The following LRFN5 variants were observed in gnomAD, a reference collection of about 807,000 sequenced individuals.
LRFN5 encodes the protein leucine rich repeat and fibronectin type III domain containing 5, also known as leucine-rich repeat and fibronectin type-III domain-containing protein 5.
In LRFN5, 24 loss-of-function variants were observed where a neutral mutation model predicts 45.6. That is an observed-to-expected ratio of 0.53 (90% CI 0.38 to 0.74). The LOEUF (loss-of-function observed/expected upper bound fraction) is 0.74, where lower values mean the gene tolerates loss of function less well. Among genes scored for constraint, LRFN5 ranks in the 30% least tolerant of loss-of-function variants. LRFN5 has a pLI of 0.00. For missense variants in LRFN5, 776 were observed against 861.5 expected, an observed-to-expected ratio of 0.90 and a Z score of 1.24; for synonymous variants, 340 against 313.8, an observed-to-expected ratio of 1.08 and a Z score of -0.88.
intron 1 of LRFN5, among the ~76,000 whole-genome samples, chr14:41,714,144 T>G (rs1883392680): frequency 6.6e-6 from 1 of 151,996 alleles, no homozygotes; most frequent in Admixed American, 6.6e-5. Context: ...AAAAAAGAAA[T>G]GGAAAACATA....
chr14:41,693,690 T>C (rs114020017), intron 1 of LRFN5, among the ~76,000 whole-genome samples: 1,757 of 152,206 alleles, frequency 0.012, 15 homozygotes, highest in Middle Eastern at 0.041. Flanking sequence ...CATAAAGGAT[T>C]TTTTGAATGC....
At chr14:41,875,950 G>C (rs1448026033) in intron 2 of LRFN5, among the ~76,000 whole-genome samples, 1 of 152,046 alleles carries the variant, frequency 6.6e-6, no homozygotes, top group Non-Finnish European at 1.5e-5. Flanking sequence ...CTCACAAATT[G>C]CTCATGAGGA....
chr14:41,848,643 A>G (rs1386342984), intron 2 of LRFN5, among the ~76,000 whole-genome samples: 1 of 152,088 alleles, frequency 6.6e-6, no homozygotes, highest in Non-Finnish European at 1.5e-5. Context: ...GGGAAATTCT[A>G]AAACACTTAG....
chr14:41,648,083 A>C (rs1336533562), intron 1 of LRFN5, among the ~76,000 whole-genome samples: 1 of 152,134 alleles, frequency 6.6e-6, no homozygotes, highest in Non-Finnish European at 1.5e-5. Context: ...ATGCTTTTGG[A>C]GGTAACATAC....
At chr14:41,705,392 T>C (rs1883021655) in intron 1 of LRFN5, among the ~76,000 whole-genome samples, 2 of 152,182 alleles carry the variant, frequency 1.3e-5, no homozygotes. Flanking sequence ...GAAATGATAA[T>C]ATTACAATTT....
At chr14:41,886,019 CAA>C (rs35648547) in intron 2 of LRFN5, among the ~76,000 whole-genome samples, 7 of 88,776 alleles carry the variant, frequency 7.9e-5, no homozygotes, top group African/African-American at 1.9e-4. Context: ...AGGCTCGTCT[CAA>C]AAAAAAAAAA....
intron 1 of LRFN5, among the ~76,000 whole-genome samples, chr14:41,707,024 G>T (rs1226659920): frequency 6.6e-6 from 1 of 152,230 alleles, no homozygotes; most frequent in East Asian, 1.9e-4. Flanking sequence ...AGGTGCACTT[G>T]CTCCCTCCCT....
chr14:41,724,542 G>A (rs559227416), intron 1 of LRFN5, among the ~76,000 whole-genome samples: 1 of 152,108 alleles, frequency 6.6e-6, no homozygotes, highest in South Asian at 2.1e-4. Flanking sequence ...CTGTTCATAA[G>A]CTCATATGAA....
chr14:41,816,035 T>C (rs986719268), intron 2 of LRFN5, among the ~76,000 whole-genome samples: 15 of 152,134 alleles, frequency 9.9e-5, no homozygotes, highest in African/African-American at 3.4e-4. Flanking sequence ...CAAGATGTTG[T>C]AGTGTTTCAC....
intron 1 of LRFN5, among the ~76,000 whole-genome samples, chr14:41,612,136 T>C (rs953641674): frequency 6.6e-6 from 1 of 152,192 alleles, no homozygotes; most frequent in African/African-American, 2.4e-5. Flanking sequence ...TTCTTGCTGG[T>C]GAAATTGAGA....
chr14:41,728,149 C>G (rs1223254778), intron 1 of LRFN5, among the ~76,000 whole-genome samples: 1 of 152,112 alleles, frequency 6.6e-6, no homozygotes, highest in Non-Finnish European at 1.5e-5. Context: ...TCACTTTGAG[C>G]AATCTTCCAT....
intron 2 of LRFN5, among the ~76,000 whole-genome samples, chr14:41,883,230 G>A (rs1429325256): frequency 1.3e-5 from 2 of 150,956 alleles, no homozygotes; most frequent in African/African-American, 2.4e-5. Context: ...AGATTATAAT[G>A]TTACTATTTT....
intron 2 of LRFN5, among the ~76,000 whole-genome samples, chr14:41,856,545 T>G (rs1265556202): frequency 6.6e-6 from 1 of 151,858 alleles, no homozygotes; most frequent in Non-Finnish European, 1.5e-5. Flanking sequence ...TGTGAGCATT[T>G]CAAACTTTCA....
At chr14:41,792,784 A>G (rs2138948228) in intron 2 of LRFN5, among the ~76,000 whole-genome samples, 1 of 152,170 alleles carries the variant, frequency 6.6e-6, no homozygotes, top group Non-Finnish European at 1.5e-5. Context: ...ATCAATTTGT[A>G]CAGGTAACAC....
chr14:41,674,800 C>T (rs544761876), intron 1 of LRFN5, among the ~76,000 whole-genome samples: 19 of 151,434 alleles, frequency 1.3e-4, no homozygotes, highest in African/African-American at 4.6e-4. Flanking sequence ...CTCCTCACTT[C>T]TCAGAGGGGG....
At chr14:41,808,573 G>C (rs999772556) in intron 2 of LRFN5, among the ~76,000 whole-genome samples, 9 of 101,610 alleles carry the variant, frequency 8.9e-5, no homozygotes, top group African/African-American at 2.6e-4. Flanking sequence ...AAGGAAGGAA[G>C]GAAGGAAGGA....
intron 1 of LRFN5, among the ~76,000 whole-genome samples, chr14:41,614,471 T>C (rs2138544034): frequency 6.6e-6 from 1 of 152,250 alleles, no homozygotes; most frequent in Admixed American, 6.5e-5. Context: ...CTGACCTCAA[T>C]AACTTATTTT....
chr14:41,650,896 AGAGGGAGGGAGGGAGG>A (rs58845118), intron 1 of LRFN5, among the ~76,000 whole-genome samples: 4 of 80,846 alleles, frequency 4.9e-5, no homozygotes, highest in Admixed American at 1.5e-4. Context: ...AGAGAGAGAG[AGAGGGAGGGAGGGAGG>A]GAGGGAGGGA....
chr14:41,832,145 C>A (rs141406552), intron 2 of LRFN5, among the ~76,000 whole-genome samples: 2,037 of 152,176 alleles, frequency 0.013, 19 homozygotes, highest in Non-Finnish European at 0.018. Flanking sequence ...ACAATTCAGT[C>A]CATGGCAGTC....
Sources: gnomAD v4.1 joint callset for allele counts (sites outside exome capture counted in the v4.1 genomes callset) on GRCh38, gnomAD v4.1.1 for gene constraint, MANE v1.5 for transcripts, NCBI Gene and HGNC (gene_info 2026-07-23, HGNC 2026-07-21) for gene names.